Variants in SNX25 observed in about 807,000 individuals in gnomAD.
SNX25 encodes the protein sorting nexin-25.
In SNX25, 62 loss-of-function variants were observed where a neutral mutation model predicts 113.7. That is an observed-to-expected ratio of 0.55 (90% CI 0.44 to 0.67). The LOEUF is 0.67. Among genes scored for constraint, SNX25 ranks in the 30% least tolerant of loss-of-function variants. The probability of loss-of-function intolerance (pLI) is 0.00; values close to 1 mark genes in which losing one functional copy is unlikely to be tolerated. For missense variants in SNX25, 1,014 were observed against 1,161.0 expected (o/e 0.87, Z 1.84); for synonymous variants, 421 against 436.2 (o/e 0.97, Z 0.43).
chr4:185,359,851 T>TA (rs1430721701), intron 16 of SNX25, among the ~76,000 whole-genome samples: 2 of 152,238 alleles, frequency 1.3e-5, no homozygotes, highest in Non-Finnish European at 2.9e-5. Context: ...CATCGGGCAG[T>TA]AATTTTCACA....
intron 11 of SNX25, among the ~76,000 whole-genome samples, chr4:185,340,378 C>T (rs905214335): frequency 6.6e-6 from 1 of 152,170 alleles, no homozygotes; most frequent in African/African-American, 2.4e-5. Flanking sequence ...TGAAGGGACA[C>T]ACAGTACATG....
chr4:185,212,214 A>G (rs904609297), intron 1 of SNX25, among the ~76,000 whole-genome samples: 2 of 152,112 alleles, frequency 1.3e-5, no homozygotes, highest in African/African-American at 2.4e-5. Flanking sequence ...CTGAGCTCAA[A>G]TGATCCGCCC....
chr4:185,269,815 G>A (rs1427931101), intron 5 of SNX25, among the ~76,000 whole-genome samples: 2 of 152,120 alleles, frequency 1.3e-5, no homozygotes, highest in Non-Finnish European at 2.9e-5. Context: ...GGCTCAAACA[G>A]TCCTCTCCCT....
rs1375612302 is a variant in SNX25 at position 185,259,133 on chromosome 4, CAA to C, written c.731+70_731+71del. On this transcript the variant is annotated intron_variant, in intron 3 of 18. Transcript: ENST00000652585. ...TTTTAATTGAGTAAAAGGTCAAAGTCAAGATAAAACTCTAGAATATTCTGCCT... is the reference window on the plus strand; with the variant it reads ...TTTTAATTGAGTAAAAGGTCAAAGTCGATAAAACTCTAGAATATTCTGCCT... 3.0e-6 allele frequency: 4 copies of C among 1,333,906 alleles called. No homozygotes were observed. The Admixed American group carries it at 5.7e-5, about 19-fold the overall frequency. The allele number at this position is 1,333,906 out of a possible 1,614,324, so 82.6% of individuals were successfully genotyped here. A position where few individuals can be genotyped will look rare whatever the true frequency, so the allele number is the denominator to read the frequency against.
At chr4:185,364,019 C>T (rs2095377882), downstream of SNX25, 1 of 152,712 alleles carries the variant, frequency 6.5e-6, no homozygotes, top group Admixed American at 6.5e-5. Flanking sequence ...GGTTGAAACT[C>T]TACAGGCTGT....
chr4:185,360,198 T>G (rs975897302), intron 16 of SNX25, among the ~76,000 whole-genome samples: 3 of 152,238 alleles, frequency 2.0e-5, no homozygotes, highest in Non-Finnish European at 2.9e-5. Context: ...GGCAGGCAGG[T>G]CAGCAGATTC....
intron 5 of SNX25, among the ~76,000 whole-genome samples, chr4:185,285,548 G>A (rs1477597717): frequency 5.3e-5 from 8 of 152,174 alleles, no homozygotes; most frequent in African/African-American, 1.4e-4. Context: ...TGGAATTGCT[G>A]TGTGGAAGCA....
At chr4:185,288,496 T>C (rs1013442584) in intron 6 of SNX25, among the ~76,000 whole-genome samples, 1 of 152,112 alleles carries the variant, frequency 6.6e-6, no homozygotes, top group Admixed American at 6.6e-5. Flanking sequence ...TTTCCTTATT[T>C]TCCTTTTTTA....
intron 16 of SNX25, among the ~76,000 whole-genome samples, chr4:185,360,670 C>A (rs992461116): frequency 6.6e-6 from 1 of 152,020 alleles, no homozygotes. Context: ...AATGACTGGC[C>A]GGGTGCGGTG....
At chr4:185,253,451 C>CT (rs139415626) in intron 2 of SNX25, among the ~76,000 whole-genome samples, 10 of 149,978 alleles carry the variant, frequency 6.7e-5, no homozygotes, top group Non-Finnish European at 1.2e-4. Flanking sequence ...ACATTTCAGA[C>CT]TTTTTTTTCT....
At chr4:185,321,738 A>G (rs765964639) in intron 8 of SNX25, among the ~76,000 whole-genome samples, 2 of 152,170 alleles carry the variant, frequency 1.3e-5, no homozygotes, top group Admixed American at 6.5e-5. Flanking sequence ...TGTGGGTTCT[A>G]TATCTGTAGA....
intron 11 of SNX25, among the ~76,000 whole-genome samples, chr4:185,341,558 C>A (rs2095259973): frequency 6.6e-6 from 1 of 152,194 alleles, no homozygotes; most frequent in Non-Finnish European, 1.5e-5. Flanking sequence ...GTATCACAGG[C>A]CGAAGTCAGT....
chr4:185,361,350 T>C (rs951809435), intron 16 of SNX25, among the ~76,000 whole-genome samples: 1 of 152,212 alleles, frequency 6.6e-6, no homozygotes, highest in African/African-American at 2.4e-5. Context: ...CTCTCAGTTC[T>C]TGTCTTTATA....
intron 13 of SNX25, among the ~76,000 whole-genome samples, chr4:185,351,162 C>T (rs555257267): frequency 6.6e-6 from 1 of 152,312 alleles, no homozygotes; most frequent in South Asian, 2.1e-4. Context: ...TCTGTTGCAC[C>T]AAGCAGTGCA....
chr4:185,362,765 G>C lies in SNX25; in HGVS notation c.2934+54G>C. 3 of 1,440,922 alleles carry C rather than the reference G, an allele frequency of 2.1e-6. No homozygotes were observed. In the South Asian group the frequency reaches 3.6e-5, roughly 17 times the overall value. The allele number at this position is 1,440,922 out of a possible 1,614,324, so 89.3% of individuals were successfully genotyped here. A position where few individuals can be genotyped will look rare whatever the true frequency, so the allele number is the denominator to read the frequency against. On this transcript the variant is annotated intron_variant, in intron 18 of 18. Coordinates refer to ENST00000652585, the MANE Select transcript of SNX25 (RefSeq NM_001378034.2). ...CTGCTTTATTTTTGTCTGTTTCTTC[G>C]TTTGGTCAGAAAAAACATGTGCCCC...
At chr4:185,340,953 G>A (rs2095256969) in intron 11 of SNX25, among the ~76,000 whole-genome samples, 2 of 152,196 alleles carry the variant, frequency 1.3e-5, no homozygotes, top group African/African-American at 4.8e-5. Context: ...TGACTCATCA[G>A]AGGTGTGGTC....
At chr4:185,324,344 G>C (rs1464240257) in intron 9 of SNX25, among the ~76,000 whole-genome samples, 2 of 152,176 alleles carry the variant, frequency 1.3e-5, no homozygotes, top group Non-Finnish European at 2.9e-5. Context: ...TAAATAAAGA[G>C]GAAAGAAACA....
At chr4:185,254,356 A>G (rs761661617) in intron 2 of SNX25, among the ~76,000 whole-genome samples, 1 of 152,234 alleles carries the variant, frequency 6.6e-6, no homozygotes, top group Admixed American at 6.5e-5. Flanking sequence ...TATCATTGTC[A>G]TTAGACAAGT....
At chr4:185,361,300 A>G (rs1579935871) in intron 16 of SNX25, among the ~76,000 whole-genome samples, 2 of 152,124 alleles carry the variant, frequency 1.3e-5, no homozygotes, top group East Asian at 3.9e-4. Flanking sequence ...TTCACCTTAT[A>G]CCACTTCATG....
Sources: allele counts gnomAD v4.1 joint callset (sites outside exome capture counted in the v4.1 genomes callset), GRCh38; gene constraint gnomAD v4.1.1; transcripts MANE v1.5; gene names NCBI Gene and HGNC (gene_info 2026-07-23, HGNC 2026-07-21).